The following HIVEP1 variants were observed in gnomAD, a reference collection of about 807,000 sequenced individuals.
HIVEP1 encodes the protein zinc finger protein 40.
Under a neutral mutation model 180.0 loss-of-function variants are expected in HIVEP1, and 36 were observed. The observed-to-expected ratio is 0.20, with a 90% CI of 0.15 to 0.26. The LOEUF is 0.26. Among genes scored for constraint, HIVEP1 ranks in the 10% least tolerant of loss-of-function variants. The probability of loss-of-function intolerance (pLI) is 1.00; values close to 1 mark genes in which losing one functional copy is unlikely to be tolerated. For missense variants in HIVEP1, 3,143 were observed against 3,268.7 expected (o/e 0.96, Z 0.94); for synonymous variants, 1,239 against 1,239.0 (o/e 1.00, Z 0.00).
intron 2 of HIVEP1, among the ~76,000 whole-genome samples, chr6:12,066,074 G>C (rs1456726491): frequency 6.6e-6 from 1 of 152,126 alleles, no homozygotes; most frequent in Non-Finnish European, 1.5e-5. Flanking sequence ...AGGCAGCAGT[G>C]GGGGAAGGCA....
intron 3 of HIVEP1, among the ~76,000 whole-genome samples, chr6:12,094,246 C>G (rs1323730927): frequency 6.6e-6 from 1 of 151,872 alleles, no homozygotes; most frequent in East Asian, 1.9e-4. Context: ...TGAAAATTGT[C>G]TGCTGGTGTT....
downstream of HIVEP1, among the ~76,000 whole-genome samples, chr6:12,167,572 T>TCATATATACATGTTATATTACATG (rs1562023387): frequency 0.024 from 202 of 8,576 alleles, 27 homozygotes; most frequent in East Asian, 0.46. Flanking sequence ...TACATGCATG[T>TCATATATACATGTTATATTACATG]TATATATACG....
chr6:12,091,606 T>C (rs534288991), intron 3 of HIVEP1, among the ~76,000 whole-genome samples: 1 of 152,264 alleles, frequency 6.6e-6, no homozygotes, highest in Admixed American at 6.5e-5. Flanking sequence ...TAGTGTAATA[T>C]GGAAGTAAAG....
At chr6:12,168,550 A>G (rs1049639160), downstream of HIVEP1, among the ~76,000 whole-genome samples, 3 of 151,492 alleles carry the variant, frequency 2.0e-5, no homozygotes, top group African/African-American at 7.3e-5. Context: ...CAATTTAATG[A>G]TTTTTTCAAC....
At chr6:12,152,155 C>T (rs1759742926) in intron 7 of HIVEP1, among the ~76,000 whole-genome samples, 1 of 152,072 alleles carries the variant, frequency 6.6e-6, no homozygotes, top group Admixed American at 6.6e-5. Context: ...GACTCCAAGA[C>T]TTCATCTCAA....
upstream of HIVEP1, chr6:12,007,734 T>G (rs1767086720): frequency 6.6e-6 from 1 of 151,808 alleles, no homozygotes; most frequent in Non-Finnish European, 1.5e-5. Context: ...ATCGTGAACT[T>G]TCTCTCCTTC....
At position 12,125,820 on chromosome 6, in the gene HIVEP1, A is replaced by C; in HGVS notation, c.6025A>C (p.Lys2009Gln). The change falls in exon 4 of 9, where the codon AAG (lysine) becomes CAG (glutamine). Residue 2009 changes from lysine to glutamine, a missense_variant. Lys to Gln is a moderately conservative substitution (Grantham distance 53, BLOSUM62 1). Transcript: ENST00000379388. ...LYCQAITTHS[K>Q]SDLLVYSSKW... is the part of the protein sequence containing the mutation. Reference sequence around the variant, plus strand: ...CTGTCAAGCAATAACTACCCATTCCAAGTCAGACTTATTGGTCTATTCAAG... The same window carrying C: ...CTGTCAAGCAATAACTACCCATTCCCAGTCAGACTTATTGGTCTATTCAAG... 1 of 1,613,436 alleles carries C rather than the reference A, an allele frequency of 6.2e-7. No homozygotes were observed. Among genetic ancestry groups the C allele is most frequent in the Non-Finnish European group, 8.5e-7 (1 of 1,179,788 alleles).
the HIVEP1 span, among the ~76,000 whole-genome samples, chr6:12,202,914 T>C: frequency 6.6e-6 from 1 of 152,334 alleles, no homozygotes; most frequent in Admixed American, 6.5e-5. Flanking sequence ...TAAGTCATCA[T>C]AGGGCACACC....
the HIVEP1 span, among the ~76,000 whole-genome samples, chr6:12,185,311 C>T: frequency 1.3e-5 from 2 of 152,300 alleles, no homozygotes; most frequent in Non-Finnish European, 2.9e-5. Context: ...ACTGACGCAG[C>T]TATAATTTTT....
At chr6:12,101,116 T>C (rs1056899808) in intron 3 of HIVEP1, among the ~76,000 whole-genome samples, 9 of 152,204 alleles carry the variant, frequency 5.9e-5, no homozygotes, top group African/African-American at 2.2e-4. Context: ...TCATGACACT[T>C]CACATCAGTT....
chr6:12,124,330 T>G lies in HIVEP1; in HGVS notation c.4535T>G (p.Ile1512Ser). 1 of 1,614,058 alleles carries G rather than the reference T, an allele frequency of 6.2e-7. No individual in the cohort carries two copies. The highest frequency in any genetic ancestry group is 8.5e-7 in the Non-Finnish European group (1 of 1,179,970). Residue 1512 changes from isoleucine to serine, a missense_variant, in exon 4 of 9, where the codon ATC becomes AGC. Physicochemically the swap from Ile to Ser is moderately radical, Grantham distance 142. Around this residue, in one of 12 missense-constraint regions of HIVEP1, gnomAD observed 1,357 missense variants for 1,260.5 expected, o/e 1.08. Coordinates refer to ENST00000379388, the MANE Select transcript of HIVEP1 (RefSeq NM_002114.4). Reference sequence around the variant, plus strand: ...TTTCCTGTTCAACAGCTCTGTGATATCAATTTGTTAAATCAAATCCATGCA... The same window carrying G: ...TTTCCTGTTCAACAGCTCTGTGATAGCAATTTGTTAAATCAAATCCATGCA... ...NVFPVQQLCDINLLNQIHAPP... is the reference protein window; with the variant it reads ...NVFPVQQLCDSNLLNQIHAPP...
chr6:12,033,991 T>A (rs539847404), intron 2 of HIVEP1, among the ~76,000 whole-genome samples: 1 of 152,216 alleles, frequency 6.6e-6, no homozygotes, highest in African/African-American at 2.4e-5. Flanking sequence ...AAAGATTGGA[T>A]GGGATTAAGC....
upstream of HIVEP1, among the ~76,000 whole-genome samples, chr6:12,011,612 C>A (rs1003688490): frequency 6.7e-6 from 1 of 150,078 alleles, no homozygotes; most frequent in Non-Finnish European, 1.5e-5. Context: ...CCGCGTCCCC[C>A]TCCCGTCCCT....
At chr6:12,192,806 T>C in the HIVEP1 span, among the ~76,000 whole-genome samples, 1 of 152,184 alleles carries the variant, frequency 6.6e-6, no homozygotes, top group South Asian at 2.1e-4. Context: ...AATGTGAGAT[T>C]GGAGTAACAC....
At position 12,123,188 on chromosome 6, in the gene HIVEP1, T is replaced by G. The variant is rs1757802777; in HGVS notation, c.3393T>G (p.Thr1131=). The change falls in exon 4 of 9, where the codon ACT becomes ACG. Residue 1131 remains threonine (T), a synonymous_variant. Transcript: ENST00000379388. ...QDKIELQRHG[T]GISVIQHTNS... ...AGATAGAACTGCAGAGACACGGAAC[T>G]GGAATCTCTGTCATCCAGCACACCA... The G allele has an allele frequency of 6.2e-7, 1 of 1,614,172 alleles. No individual in the cohort carries two copies. The highest frequency in any genetic ancestry group is 8.5e-7 in the Non-Finnish European group (1 of 1,180,036).
At chr6:12,091,470 A>G (rs1266640079) in intron 3 of HIVEP1, among the ~76,000 whole-genome samples, 5 of 152,084 alleles carry the variant, frequency 3.3e-5, no homozygotes, top group Non-Finnish European at 7.4e-5. Context: ...TATTAGGACA[A>G]GTAACTAATT....
chr6:12,037,389 T>C (rs1043576245), intron 2 of HIVEP1, among the ~76,000 whole-genome samples: 1 of 152,364 alleles, frequency 6.6e-6, no homozygotes, highest in South Asian at 2.1e-4. Context: ...GTGTGTTTGC[T>C]ACTGTGGTCA....
chr6:12,119,042 C>T (rs886811357), intron 3 of HIVEP1, among the ~76,000 whole-genome samples: 3 of 152,170 alleles, frequency 2.0e-5, no homozygotes, highest in African/African-American at 7.2e-5. Context: ...TGCTACCAAG[C>T]CAATCTAGGT....
At chr6:12,040,498 G>GT (rs1245680756) in intron 2 of HIVEP1, among the ~76,000 whole-genome samples, 5 of 151,914 alleles carry the variant, frequency 3.3e-5, no homozygotes, top group Non-Finnish European at 7.4e-5. Flanking sequence ...CTACTGTTTT[G>GT]TTTTTTGTAG....
Sources: gnomAD v4.1 joint callset for allele counts (sites outside exome capture counted in the v4.1 genomes callset) on GRCh38, gnomAD v4.1.1 for gene constraint, gnomAD v4.1.1 regional missense constraint, MANE v1.5 for transcripts, NCBI Gene and HGNC (gene_info 2026-07-23, HGNC 2026-07-21) for gene names.